Variants in CCDC40 observed in about 807,000 individuals in gnomAD.
The protein encoded by CCDC40 is coiled-coil domain-containing protein 40.
A neutral mutation model predicts 124.5 loss-of-function variants in CCDC40; 104 were observed. The ratio of observed to expected loss-of-function variants is 0.84; its 90% confidence interval spans 0.71 to 0.98. CCDC40 has a LOEUF of 0.98. Ranked by LOEUF, CCDC40 falls within the 50% of genes least tolerant of loss-of-function variation. The probability of loss-of-function intolerance (pLI) is 0.00; values close to 1 mark genes in which losing one functional copy is unlikely to be tolerated. For missense variants in CCDC40, 1,463 were observed against 1,503.9 expected (o/e 0.97, Z 0.45); for synonymous variants, 580 against 602.9 (o/e 0.96, Z 0.56).
At chr17:80,044,717 A>ATGTG (rs1568671674) in intron 3 of CCDC40, among the ~76,000 whole-genome samples, 8 of 40,728 alleles carry the variant, frequency 2.0e-4, no homozygotes, top group African/African-American at 5.5e-4. Context: ...AAAAAAAAAA[A>ATGTG]TATATATATA....
intron 13 of CCDC40, 149 bp downstream of exon 13, chr17:80,085,137 G>A (rs182086659): frequency 2.6e-5 from 27 of 1,047,900 alleles, no homozygotes; most frequent in Admixed American, 1.1e-4. Flanking sequence ...AAAATGGCAC[G>A]TGTGCCAAGC....
At chr17:80,070,489 T>G (rs2038160837) in intron 10 of CCDC40, among the ~76,000 whole-genome samples, 1 of 152,098 alleles carries the variant, frequency 6.6e-6, no homozygotes, top group Non-Finnish European at 1.5e-5. Flanking sequence ...TGGTCTCATC[T>G]ACTTGGGAGG....
At chr17:80,044,714 A>C (rs982652424) in intron 3 of CCDC40, among the ~76,000 whole-genome samples, 4 of 76,780 alleles carry the variant, frequency 5.2e-5, no homozygotes, top group South Asian at 4.5e-4. Context: ...AACAAAAAAA[A>C]AAATATATAT....
In CCDC40 at chr17:80,089,764, A is replaced by G. The variant is rs759691545; in HGVS notation, c.2712A>G (p.Glu904=). Residue 904 remains glutamate (E), a splice_region_variant and synonymous_variant, in exon 17 of 20, where the codon GAA becomes GAG. Coordinates refer to ENST00000397545, the MANE Select transcript of CCDC40 (RefSeq NM_017950.4). ...TACACTGCCTCTCCTACCTCTAAAG[A>G]CACCAGATTATGCTTTGGGAGAAAA... ...ATLLNQLVEA[E]HQIMLWEKKI... is the part of the protein sequence containing the mutation. 10 of 1,614,238 alleles carry G rather than the reference A, an allele frequency of 6.2e-6. No homozygotes were observed. The highest frequency in any genetic ancestry group is 8.5e-6 in the Non-Finnish European group (10 of 1,180,038).
chr17:80,052,912 T>C (rs144680932), intron 7 of CCDC40, among the ~76,000 whole-genome samples: 51 of 152,296 alleles, frequency 3.3e-4, no homozygotes, highest in Admixed American at 1.5e-3. Context: ...TTTAAAAATA[T>C]AATCATCATC....
intron 10 of CCDC40, among the ~76,000 whole-genome samples, chr17:80,071,831 C>CTTTTTT (rs35874742): frequency 3.3e-4 from 29 of 88,952 alleles, no homozygotes; most frequent in African/African-American, 7.5e-4. Flanking sequence ...GGTTTTTCAG[C>CTTTTTT]TTTTTTTTTT....
chr17:80,037,688 A>AAAAAATAT lies in CCDC40; in HGVS notation c.30-434_30-433insAAAATATA. On this transcript the variant is annotated intron_variant, in intron 1 of 19. Coordinates refer to ENST00000397545, the MANE Select transcript of CCDC40 (RefSeq NM_017950.4). ...AGCTTGAATCTTTAATTTTTTAAAA[A>AAAAAATAT]AGATATACATATATATATATATATA... Among the ~76,000 whole-genome samples, 214 of 45,696 alleles carry AAAAAATAT rather than the reference A, an allele frequency of 4.7e-3. 1 individual carries two copies. The highest frequency in any genetic ancestry group is 0.011 in the African/African-American group (187 of 16,964). The allele number at this position is 45,696 out of a possible 152,430, so 30.0% of individuals were successfully genotyped here.
chr17:80,087,670 A>G lies in CCDC40; in HGVS notation c.2513A>G (p.Asn838Ser). The G allele has an allele frequency of 2.5e-6, 4 of 1,614,054 alleles. No homozygotes were observed. Among genetic ancestry groups the G allele is most frequent in the Non-Finnish European group, 3.4e-6 (4 of 1,179,880 alleles). The change falls in exon 15 of 20, where the codon AAC (asparagine) becomes AGC (serine). Residue 838 changes from asparagine to serine, a missense_variant. Physicochemically the swap from Asn to Ser is conservative, Grantham distance 46. Transcript: ENST00000397545. This position sits in a 1 kb window ranked among gnomAD's most constrained non-coding sequence, Gnocchi z 4.5. ...GAGCACCACATGAAGGACCTGGACAACGACCTGAAGAAGCTCAACATGTTG... is the reference window on the plus strand; with the variant it reads ...GAGCACCACATGAAGGACCTGGACAGCGACCTGAAGAAGCTCAACATGTTG... ...EIEHHMKDLD[N>S]DLKKLNMLMN... is the part of the protein sequence containing the mutation.
chr17:80,098,608 G>A (rs915261878), intron 19 of CCDC40, among the ~76,000 whole-genome samples: 4 of 152,166 alleles, frequency 2.6e-5, no homozygotes, highest in South Asian at 4.1e-4. Flanking sequence ...TGAGGGGAAC[G>A]TGCCTGGCAC....
In CCDC40 at chr17:80,047,594, T is replaced by C. The variant is rs2037461346; in HGVS notation, c.676+192T>C. 5 of 631,996 alleles carry C rather than the reference T, an allele frequency of 7.9e-6. No homozygotes were observed. In the South Asian group the frequency reaches 9.2e-5, roughly 12 times the overall value. The allele number at this position is 631,996 out of a possible 1,614,324, so 39.1% of individuals were successfully genotyped here. On this transcript the variant is annotated intron_variant, in intron 4 of 19. Coordinates refer to ENST00000397545, the MANE Select transcript of CCDC40 (RefSeq NM_017950.4). ...TTTACTGTTTTATCTCATTTAATCCTAACAGTGACCGATGAAGTAGGAATC... is the reference window on the plus strand; with the variant it reads ...TTTACTGTTTTATCTCATTTAATCCCAACAGTGACCGATGAAGTAGGAATC...
At position 80,058,197 on chromosome 17, in the gene CCDC40, A is replaced by G. The variant is rs1279660225; in HGVS notation, c.1160-297A>G. 6.6e-6 allele frequency among the ~76,000 whole-genome samples: 1 copy of G among 152,204 alleles called. No individual in the cohort carries two copies. The highest frequency in any genetic ancestry group is 6.5e-5 in the Admixed American group (1 of 15,284). On this transcript the variant is annotated intron_variant, in intron 7 of 19. Coordinates refer to ENST00000397545, the MANE Select transcript of CCDC40 (RefSeq NM_017950.4). This position sits in a 1 kb window ranked among gnomAD's most constrained non-coding sequence, Gnocchi z 4.2. ...AAGCCTTACCACCTGGCACTACTTC[A>G]GTGTATCCTTAGACTACCAGGAGGA...
chr17:80,090,287 G>C, intron 17 of CCDC40: 5 of 1,307,508 alleles, frequency 3.8e-6, no homozygotes, highest in South Asian at 1.6e-5. Flanking sequence ...GAACAACACG[G>C]GACGCGCGCA....
chr17:80,067,402 A>G, intron 10 of CCDC40: 1 of 612,110 alleles, frequency 1.6e-6, no homozygotes. Flanking sequence ...GTGCAATTGC[A>G]AGAAAGCATA....
chr17:80,048,511 G>T, intron 4 of CCDC40, 72 bp from the exon 5 acceptor site: 1 of 1,266,914 alleles, frequency 7.9e-7, no homozygotes, highest in Non-Finnish European at 1.1e-6. Flanking sequence ...CTGTGCCATT[G>T]ATGCCCCAGA....
chr17:80,088,168 TGAA>T (rs1436061231), intron 16 of CCDC40, 66 bp downstream of exon 16: 115 of 1,123,744 alleles, frequency 1.0e-4, no homozygotes, highest in Non-Finnish European at 1.5e-4. Flanking sequence ...CTCTGTCCGT[TGAA>T]GACCATGTAG....
Position 80,087,644 on chromosome 17 carries a change from C to A in CCDC40, c.2487C>A (p.Ile829=). 2 of 1,614,064 alleles carry A rather than the reference C, an allele frequency of 1.2e-6. No homozygotes were observed. Among genetic ancestry groups the A allele is most frequent in the Non-Finnish European group, 1.7e-6 (2 of 1,179,934 alleles). Reference sequence around the variant, plus strand: ...AGGAGAAGAAGGAGCAGAAGGAGATCGAGCACCACATGAAGGACCTGGACA... The same window carrying A: ...AGGAGAAGAAGGAGCAGAAGGAGATAGAGCACCACATGAAGGACCTGGACA... ...IEQEKKEQKE[I]EHHMKDLDND... is the part of the protein sequence containing the mutation. Residue 829 remains isoleucine, a synonymous_variant, in exon 15 of 20, where the codon ATC becomes ATA. Coordinates refer to ENST00000397545, the MANE Select transcript of CCDC40 (RefSeq NM_017950.4). The surrounding 1 kb of genome is among the most constrained non-coding windows in gnomAD (Gnocchi z 4.5).
chr17:80,087,671 C>T lies in CCDC40; in HGVS notation c.2514C>T (p.Asn838=), dbSNP rs372524775. Residue 838 remains asparagine (N), a synonymous_variant, in exon 15 of 20, where the codon AAC becomes AAT. Transcript: ENST00000397545. This position sits in a 1 kb window ranked among gnomAD's most constrained non-coding sequence, Gnocchi z 4.5. ...EIEHHMKDLD[N]DLKKLNMLMN... Reference sequence around the variant, plus strand: ...AGCACCACATGAAGGACCTGGACAACGACCTGAAGAAGCTCAACATGTTGA... The same window carrying T: ...AGCACCACATGAAGGACCTGGACAATGACCTGAAGAAGCTCAACATGTTGA... The T allele has an allele frequency of 1.5e-5, 25 of 1,613,648 alleles. No homozygotes were observed. Among genetic ancestry groups the T allele is most frequent in the African/African-American group, 5.3e-5 (4 of 74,912 alleles).
chr17:80,059,955 G>T (rs1180081977), intron 9 of CCDC40, among the ~76,000 whole-genome samples: 1 of 152,172 alleles, frequency 6.6e-6, no homozygotes, highest in East Asian at 1.9e-4. Context: ...CTCAGCACTG[G>T]TCTCTCCAGC....
At chr17:80,065,451 C>T in intron 9 of CCDC40, 34 bp from the exon 10 acceptor site, 1 of 1,612,710 alleles carries the variant, frequency 6.2e-7, no homozygotes, top group Non-Finnish European at 8.5e-7. Flanking sequence ...TGAAATGAGA[C>T]AGCCATTCCT....
Sources: allele counts gnomAD v4.1 joint callset (sites outside exome capture counted in the v4.1 genomes callset), GRCh38; gene constraint gnomAD v4.1.1; non-coding constraint Gnocchi (gnomAD v3.1); transcripts MANE v1.5; gene names NCBI Gene and HGNC (gene_info 2026-07-23, HGNC 2026-07-21).